Variants in LRRC37A observed in about 807,000 individuals in gnomAD.
LRRC37A encodes leucine-rich repeat-containing protein 37A.
In LRRC37A, 3 loss-of-function variants were observed where a neutral mutation model predicts 35.4. That is an observed-to-expected ratio of 0.08 (90% CI 0.04 to 0.22). LRRC37A has a LOEUF of 0.22. LRRC37A is among the 10% of genes least tolerant of loss of function. The probability of loss-of-function intolerance (pLI) is 1.00; values close to 1 mark genes in which losing one functional copy is unlikely to be tolerated. For synonymous variants in LRRC37A, 23 were observed against 215.0 expected, an observed-to-expected ratio of 0.11 and a Z score of 7.81; for missense variants, 67 against 565.3, an observed-to-expected ratio of 0.12 and a Z score of 8.94.
At position 46,323,962 on chromosome 17, in the gene LRRC37A, C is replaced by A. The variant is rs1464040918; in HGVS notation, c.3053+935C>A. On this transcript the variant is annotated intron_variant, in intron 7 of 13. Transcript: ENST00000320254. ...CTGAGGCTGTATACAAACATTATGT[C>A]ATTTCATAAAAAAGACCTCAGCATC... Among the ~76,000 whole-genome samples the A allele has an allele frequency of 3.9e-5, 4 of 101,772 alleles. 1 individual carries two copies. In the East Asian group the frequency reaches 9.9e-4, roughly 25 times the overall value. The allele number at this position is 101,772 out of a possible 152,430, so 66.8% of individuals were successfully genotyped here.
the LRRC37A span, among the ~76,000 whole-genome samples, chr17:46,284,390 C>T: frequency 6.6e-6 from 1 of 152,222 alleles, no homozygotes. Context: ...TCTTGCACAG[C>T]CCTTAATTCA....
chr17:46,312,654 T>C (rs1417103676), intron 5 of LRRC37A, among the ~76,000 whole-genome samples: 5 of 80,612 alleles, frequency 6.2e-5, no homozygotes, highest in Admixed American at 3.8e-4. Flanking sequence ...GAGGAAGATA[T>C]AGAATGAAGG....
chr17:46,291,454 C>T (rs1315422609), upstream of LRRC37A, among the ~76,000 whole-genome samples: 2 of 151,718 alleles, frequency 1.3e-5, no homozygotes, highest in East Asian at 3.9e-4. Flanking sequence ...AAGAGTTTCT[C>T]GGGGGTAAGG....
the LRRC37A span, among the ~76,000 whole-genome samples, chr17:46,282,144 C>A: frequency 6.6e-6 from 1 of 151,988 alleles, no homozygotes; most frequent in Non-Finnish European, 1.5e-5. Flanking sequence ...GCTCTGTCTC[C>A]CAGGCTGGAG....
upstream of LRRC37A, among the ~76,000 whole-genome samples, chr17:46,290,309 A>G (rs2050032120): frequency 1.3e-5 from 2 of 152,158 alleles, no homozygotes; most frequent in Admixed American, 6.6e-5. Flanking sequence ...TCCTTTTTGT[A>G]GAAACAGGGT....
the LRRC37A span, among the ~76,000 whole-genome samples, chr17:46,276,997 GT>G: frequency 7.5e-6 from 1 of 133,252 alleles, no homozygotes; most frequent in Non-Finnish European, 1.8e-5. Context: ...TAGAGATGGG[GT>G]TTCCCCATGT....
chr17:46,287,005 T>C, the LRRC37A span, among the ~76,000 whole-genome samples: 1 of 152,238 alleles, frequency 6.6e-6, no homozygotes, highest in South Asian at 2.1e-4. Context: ...GTAATTGTCG[T>C]TTTGAGCTGC....
chr17:46,292,198 G>A (rs1171871154), upstream of LRRC37A, among the ~76,000 whole-genome samples: 2 of 76,836 alleles, frequency 2.6e-5, no homozygotes, highest in African/African-American at 6.6e-5. Flanking sequence ...TGGGTGTGGT[G>A]GTGGGCACCT....
chr17:46,267,541 C>T, the LRRC37A span: 3 of 1,612,900 alleles, frequency 1.9e-6, no homozygotes, highest in South Asian at 3.3e-5. Context: ...AGCTGAATGA[C>T]GCTGCATATG....
chr17:46,289,987 C>T (rs2050021946), upstream of LRRC37A, among the ~76,000 whole-genome samples: 3 of 152,188 alleles, frequency 2.0e-5, no homozygotes, highest in South Asian at 2.1e-4. Flanking sequence ...GGTGTGGTGG[C>T]GCATGCCTGT....
chr17:46,261,265 A>T, the LRRC37A span, among the ~76,000 whole-genome samples: 1 of 152,154 alleles, frequency 6.6e-6, no homozygotes, highest in Non-Finnish European at 1.5e-5. Flanking sequence ...TAATCTTGGA[A>T]GTGTATATTA....
chr17:46,275,687 C>G, the LRRC37A span, among the ~76,000 whole-genome samples: 1 of 152,190 alleles, frequency 6.6e-6, no homozygotes, highest in Non-Finnish European at 1.5e-5. Context: ...ACAACATTTT[C>G]AGGCAACTGG....
the LRRC37A span, among the ~76,000 whole-genome samples, chr17:46,277,622 A>ATTTCTTT: frequency 3.0e-5 from 4 of 134,962 alleles, no homozygotes; most frequent in Non-Finnish European, 7.0e-5. Context: ...CTCTGGGTAG[A>ATTTCTTT]TTTCTTTTCT....
the LRRC37A span, among the ~76,000 whole-genome samples, chr17:46,270,947 T>C: frequency 2.0e-5 from 3 of 152,210 alleles, no homozygotes; most frequent in Non-Finnish European, 4.4e-5. Flanking sequence ...TTTAGTTGAA[T>C]TTGGTTCAAA....
chr17:46,255,547 G>A, the LRRC37A span, among the ~76,000 whole-genome samples: 1 of 151,058 alleles, frequency 6.6e-6, no homozygotes, highest in African/African-American at 2.4e-5. Flanking sequence ...TGTATTTTTA[G>A]TAGAGATGGG....
chr17:46,253,012 G>A, the LRRC37A span, among the ~76,000 whole-genome samples: 7 of 143,208 alleles, frequency 4.9e-5, no homozygotes, highest in South Asian at 2.1e-4. Context: ...CCGGGCGGAG[G>A]GGCTCCTCAC....
upstream of LRRC37A, among the ~76,000 whole-genome samples, chr17:46,291,720 T>C (rs1267141159): frequency 6.7e-6 from 1 of 150,374 alleles, no homozygotes; most frequent in African/African-American, 2.5e-5. Context: ...AGCCCGGGAG[T>C]TTGAGACCAG....
At chr17:46,261,500 C>G in the LRRC37A span, among the ~76,000 whole-genome samples, 1 of 152,156 alleles carries the variant, frequency 6.6e-6, no homozygotes, top group Non-Finnish European at 1.5e-5. Context: ...CAACATCCAC[C>G]TCCTGCGTTC....
the LRRC37A span, among the ~76,000 whole-genome samples, chr17:46,250,255 C>T: frequency 2.0e-4 from 31 of 152,338 alleles, no homozygotes; most frequent in East Asian, 5.4e-3. Context: ...TCATCGTCCT[C>T]GGGCCACTGG....
Sources: gnomAD v4.1 joint callset for allele counts (sites outside exome capture counted in the v4.1 genomes callset) on GRCh38, gnomAD v4.1.1 for gene constraint, MANE v1.5 for transcripts, NCBI Gene and HGNC (gene_info 2026-07-23, HGNC 2026-07-21) for gene names.